Variants in KPNA6 observed in about 807,000 individuals in gnomAD.
The protein encoded by KPNA6 is karyopherin subunit alpha 6, also known as importin subunit alpha-7.
A neutral mutation model predicts 72.0 loss-of-function variants in KPNA6; 9 were observed. That is an observed-to-expected ratio of 0.13 (90% confidence interval 0.08 to 0.22). KPNA6 has a LOEUF of 0.22. Among genes scored for constraint, KPNA6 ranks in the 10% least tolerant of loss-of-function variants. The probability of loss-of-function intolerance (pLI) is 1.00; values close to 1 mark genes in which losing one functional copy is unlikely to be tolerated. For missense variants in KPNA6, 374 were observed against 655.7 expected (o/e 0.57, Z 4.69); for synonymous variants, 219 against 242.1 (o/e 0.90, Z 0.89).
At chr1:32,120,778 G>A (rs997552624) in intron 1 of KPNA6, among the ~76,000 whole-genome samples, 1 of 151,980 alleles carries the variant, frequency 6.6e-6, no homozygotes, top group Non-Finnish European at 1.5e-5. Context: ...ATGTTGGCCA[G>A]GCTGGTCTTG....
chr1:32,171,483 T>G lies in KPNA6; in HGVS notation c.*589T>G, dbSNP rs1642436096. Reference sequence around the variant, plus strand: ...TTTTCTTTTGCACATTTTTCTTGTATTAAGATTGCTCTTCCCAAGAGCCAC... The same window carrying G: ...TTTTCTTTTGCACATTTTTCTTGTAGTAAGATTGCTCTTCCCAAGAGCCAC... On this transcript the variant is annotated 3_prime_UTR_variant, in exon 14 of 14. Coordinates refer to ENST00000373625, the MANE Select transcript of KPNA6 (RefSeq NM_012316.5). 6.6e-6 allele frequency: 1 copy of G among 152,218 alleles called. No individual in the cohort carries two copies. Among genetic ancestry groups the G allele is most frequent in the African/African-American group, 2.4e-5 (1 of 41,458 alleles). 9.4% of individuals were successfully genotyped at this position (152,218 alleles called of 1,614,324 possible). A position where few individuals can be genotyped will look rare whatever the true frequency, so the allele number is the denominator to read the frequency against.
In KPNA6 at chr1:32,158,279, C is replaced by G. The variant is rs755257568; in HGVS notation, c.344C>G (p.Pro115Arg). The change falls in exon 5 of 14, where the codon CCA (proline) becomes CGA (arginine). Residue 115 changes from proline to arginine, a missense_variant. Around this residue, in one of 3 missense-constraint regions of KPNA6, gnomAD observed 298 missense variants for 495.4 expected, o/e 0.60. Transcript: ENST00000373625. The stretch of plus-strand genomic sequence containing the variant: ...CTCCCTTATCCAGAGCCTAGTCCTC[C>G]AATAGATGAAGTTATCAACACTCCA... ...RKLLSKEPSP[P>R]IDEVINTPRV... 6.2e-7 allele frequency: 1 copy of G among 1,611,408 alleles called. No individual in the cohort carries two copies. The highest frequency in any genetic ancestry group is 2.2e-5 in the East Asian group (1 of 44,854).
intron 1 of KPNA6, among the ~76,000 whole-genome samples, chr1:32,114,451 A>AAATATATATATAT (rs982175711): frequency 1.4e-5 from 2 of 145,524 alleles, no homozygotes; most frequent in African/African-American, 5.1e-5. Flanking sequence ...CAAAAAAAAA[A>AAATATATATATAT]ATATATATAT....
chr1:32,117,207 C>G (rs1156551107), intron 1 of KPNA6, among the ~76,000 whole-genome samples: 3 of 150,444 alleles, frequency 2.0e-5, no homozygotes, highest in Non-Finnish European at 3.0e-5. Flanking sequence ...GAGTTTCACT[C>G]TGTCACCCAG....
At chr1:32,155,129 A>T (rs921990424) in intron 2 of KPNA6, among the ~76,000 whole-genome samples, 8 of 150,384 alleles carry the variant, frequency 5.3e-5, no homozygotes, top group Non-Finnish European at 1.0e-4. Flanking sequence ...AAAAAAAAAA[A>T]AAAAGAAAAG....
At chr1:32,158,433 A>G (rs1318469638) in intron 5 of KPNA6, 72 bp downstream of exon 5, 2 of 852,152 alleles carry the variant, frequency 2.3e-6, no homozygotes, top group South Asian at 3.1e-5. Flanking sequence ...ATATATATTT[A>G]TGGGATACAT....
intron 1 of KPNA6, among the ~76,000 whole-genome samples, chr1:32,133,589 G>C (rs1347980208): frequency 6.6e-6 from 1 of 151,916 alleles, no homozygotes; most frequent in African/African-American, 2.4e-5. Flanking sequence ...TGTGTGGGAG[G>C]CTGAGGTAGG....
chr1:32,130,959 A>G (rs899893434), intron 1 of KPNA6, among the ~76,000 whole-genome samples: 2 of 152,294 alleles, frequency 1.3e-5, no homozygotes, highest in East Asian at 1.9e-4. Context: ...CACTGGATCA[A>G]AGACCTAAAT....
chr1:32,123,623 C>G (rs1475057749), intron 1 of KPNA6, among the ~76,000 whole-genome samples: 1 of 151,548 alleles, frequency 6.6e-6, no homozygotes, highest in African/African-American at 2.4e-5. Context: ...ATCTGTAGTC[C>G]CAGCTACTCA....
chr1:32,154,433 G>A (rs571423047), intron 1 of KPNA6, among the ~76,000 whole-genome samples, 155 bp from the exon 2 acceptor site: 1 of 151,860 alleles, frequency 6.6e-6, no homozygotes, highest in Non-Finnish European at 1.5e-5. Context: ...TGGGGCTGGG[G>A]GGTGGGTAGA....
At position 32,154,659 on chromosome 1, in the gene KPNA6, G is replaced by A. The variant is rs1642104598; in HGVS notation, c.76G>A (p.Glu26Lys). The A allele has an allele frequency of 6.2e-7, 1 of 1,614,026 alleles. No homozygotes were observed. Among genetic ancestry groups the A allele is most frequent in the African/African-American group, 1.3e-5 (1 of 74,924 alleles). Residue 26 changes from glutamate to lysine, a missense_variant, in exon 2 of 14, where the codon GAA (glutamate) becomes AAA (lysine). By Grantham distance (56) the Glu-to-Lys change is moderately conservative (BLOSUM62 1). This residue lies in a region of KPNA6 where 298 missense variants were observed against 495.4 expected (regional missense o/e 0.60). Transcript: ENST00000373625. ...SYKNNALNPEEMRRRREEEGI... is the reference protein window; with the variant it reads ...SYKNNALNPEKMRRRREEEGI... ...TAAGAACAATGCTCTAAACCCTGAA[G>A]AAATGAGACGAAGAAGAGAGGAAGA...
At chr1:32,142,255 CAAAAAAAA>C (rs763008502) in intron 1 of KPNA6, among the ~76,000 whole-genome samples, 7 of 55,306 alleles carry the variant, frequency 1.3e-4, no homozygotes, top group South Asian at 7.8e-4. Context: ...GACCCTGTCT[CAAAAAAAA>C]AAAAAAAAAA....
intron 2 of KPNA6, among the ~76,000 whole-genome samples, chr1:32,154,963 T>C (rs1289325128): frequency 1.3e-5 from 2 of 151,932 alleles, no homozygotes; most frequent in Non-Finnish European, 2.9e-5. Context: ...ATACAGAAAT[T>C]AGCCGGACGT....
intron 10 of KPNA6, among the ~76,000 whole-genome samples, chr1:32,165,236 T>A (rs1022391600): frequency 6.6e-6 from 1 of 152,134 alleles, no homozygotes; most frequent in Non-Finnish European, 1.5e-5. Context: ...TAATTTTTTT[T>A]AGAGGGTCTC....
intron 1 of KPNA6, among the ~76,000 whole-genome samples, chr1:32,118,522 CG>C (rs774860980): frequency 6.6e-6 from 1 of 151,706 alleles, no homozygotes; most frequent in Non-Finnish European, 1.5e-5. Context: ...AGGTTAGGTG[CG>C]GTAGCTCACA....
chr1:32,121,911 T>G (rs888394674), intron 1 of KPNA6, among the ~76,000 whole-genome samples: 12 of 151,990 alleles, frequency 7.9e-5, no homozygotes, highest in African/African-American at 2.9e-4. Flanking sequence ...AGGCAGAGGT[T>G]GCTGTGAACT....
At position 32,171,095 on chromosome 1, in the gene KPNA6, T is replaced by C; in HGVS notation, c.*201T>C. 1 of 573,534 alleles carries C rather than the reference T, an allele frequency of 1.7e-6. No homozygotes were observed. The allele number at this position is 573,534 out of a possible 1,614,324, so 35.5% of individuals were successfully genotyped here. A position where few individuals can be genotyped will look rare whatever the true frequency, so the allele number is the denominator to read the frequency against. ...AGACAGAACCATCTGAGGCTCACCT[T>C]TGGGTTTTGTGACAAGAAGGGGACG... On this transcript the variant is annotated 3_prime_UTR_variant, in exon 14 of 14. Coordinates refer to ENST00000373625, the MANE Select transcript of KPNA6 (RefSeq NM_012316.5).
At chr1:32,150,861 G>A (rs1303650482) in intron 1 of KPNA6, among the ~76,000 whole-genome samples, 1 of 150,104 alleles carries the variant, frequency 6.7e-6, no homozygotes, top group Non-Finnish European at 1.5e-5. Flanking sequence ...TCTTGACCTC[G>A]TGGTCCGCCC....
At chr1:32,158,219 C>T in intron 4 of KPNA6, 48 bp from the exon 5 acceptor site, 1 of 1,282,048 alleles carries the variant, frequency 7.8e-7, no homozygotes, top group Non-Finnish European at 1.1e-6. Context: ...ATGAAGGGAT[C>T]AGCAAAAGCT....
Sources: gnomAD v4.1 joint callset for allele counts (sites outside exome capture counted in the v4.1 genomes callset) on GRCh38, gnomAD v4.1.1 for gene constraint, gnomAD v4.1.1 regional missense constraint, MANE v1.5 for transcripts, NCBI Gene and HGNC (gene_info 2026-07-23, HGNC 2026-07-21) for gene names.